IGF2BP3: variants seen among roughly 807,000 people sequenced by gnomAD.
IGF2BP3 encodes insulin like growth factor 2 mRNA binding protein 3, also known as insulin-like growth factor 2 mRNA-binding protein 3.
IGF2BP3 carries 9 observed loss-of-function variants against 73.8 expected under a neutral mutation model. That is an observed-to-expected ratio of 0.12 (90% CI 0.07 to 0.21). The LOEUF (loss-of-function observed/expected upper bound fraction) is 0.21, where lower values mean the gene tolerates loss of function less well. Ranked by LOEUF, IGF2BP3 falls within the 10% of genes least tolerant of loss-of-function variation. IGF2BP3 has a pLI of 1.00. For missense variants in IGF2BP3, 542 were observed against 714.0 expected (o/e 0.76, Z 2.75); for synonymous variants, 258 against 256.7 (o/e 1.01, Z -0.05).
At chr7:23,342,619 A>T (rs1440249875) in intron 9 of IGF2BP3, among the ~76,000 whole-genome samples, 1 of 152,228 alleles carries the variant, frequency 6.6e-6, no homozygotes, top group Non-Finnish European at 1.5e-5. Context: ...GGTAAAACTT[A>T]GCAACCATGG....
intron 3 of IGF2BP3, chr7:23,415,491 C>CGT: frequency 1.2e-5 from 3 of 242,892 alleles, no homozygotes; most frequent in Non-Finnish European, 2.5e-5. Context: ...CCGCAGGTCC[C>CGT]CCTCCGTCAG....
chr7:23,406,580 G>C lies in IGF2BP3; in HGVS notation c.285+12196C>G, dbSNP rs369619396. 1.6e-4 allele frequency among the ~76,000 whole-genome samples: 24 copies of C among 152,226 alleles called. 1 individual carries two copies. The highest frequency in any genetic ancestry group is 9.8e-4 in the Admixed American group (15 of 15,286). On this transcript the variant is annotated intron_variant, in intron 3 of 14. Coordinates refer to ENST00000258729, the MANE Select transcript of IGF2BP3 (RefSeq NM_006547.3). ...TGCAGTGAGTGTTACAGCTCTTAAA[G>C]GTAGTGTGGACCCAAAGAGTGAGCA...
intron 10 of IGF2BP3, among the ~76,000 whole-genome samples, chr7:23,330,816 G>A (rs764509530): frequency 1.8e-4 from 28 of 152,130 alleles, no homozygotes; most frequent in Admixed American, 3.9e-4. Context: ...TTCTGAGACG[G>A]AGTCTTGCTC....
chr7:23,335,073 TAAAAAAAAAAAAA>T (rs5882898), intron 10 of IGF2BP3, among the ~76,000 whole-genome samples: 1 of 69,196 alleles, frequency 1.4e-5, no homozygotes, highest in South Asian at 5.5e-4. Context: ...TCTTTAACAT[TAAAAAAAAAAAAA>T]AAAAAAAAAA....
chr7:23,452,862 C>T (rs2128549094), intron 2 of IGF2BP3, among the ~76,000 whole-genome samples: 1 of 151,316 alleles, frequency 6.6e-6, no homozygotes, highest in Admixed American at 6.6e-5. Flanking sequence ...ACCTATAATC[C>T]CAGCACTTTG....
At chr7:23,468,566 C>T in intron 1 of IGF2BP3, 24 bp from the exon 2 acceptor site, 1 of 1,613,424 alleles carries the variant, frequency 6.2e-7, no homozygotes. Context: ...AGAAGTGAGA[C>T]GGTCGGCCGA....
At chr7:23,346,254 A>G (rs143971974) in intron 7 of IGF2BP3, 192 bp from the exon 8 acceptor site, 8 of 540,492 alleles carry the variant, frequency 1.5e-5, no homozygotes, top group African/African-American at 1.3e-4. Context: ...AAAAATACAG[A>G]AGTTAACTTC....
intron 2 of IGF2BP3, among the ~76,000 whole-genome samples, chr7:23,434,104 A>AG (rs1314866256): frequency 2.0e-5 from 3 of 151,794 alleles, no homozygotes; most frequent in Non-Finnish European, 2.9e-5. Flanking sequence ...AAAAAAAAAA[A>AG]AAAAGAAAAA....
chr7:23,436,008 C>T (rs1439296089), intron 2 of IGF2BP3, among the ~76,000 whole-genome samples: 1 of 152,192 alleles, frequency 6.6e-6, no homozygotes, highest in Non-Finnish European at 1.5e-5. Context: ...CCACCTGCCT[C>T]GGCCTCCCAA....
At chr7:23,381,602 T>C (rs1785911735) in intron 3 of IGF2BP3, among the ~76,000 whole-genome samples, 1 of 152,136 alleles carries the variant, frequency 6.6e-6, no homozygotes. Flanking sequence ...GGAGTCTCAC[T>C]GTGTCACCCA....
chr7:23,443,393 G>A (rs1787982785), intron 2 of IGF2BP3, among the ~76,000 whole-genome samples: 1 of 151,994 alleles, frequency 6.6e-6, no homozygotes, highest in Non-Finnish European at 1.5e-5. Flanking sequence ...CCAAAGTGCT[G>A]GGATTACAGG....
intron 3 of IGF2BP3, among the ~76,000 whole-genome samples, chr7:23,365,251 T>C (rs1583940466): frequency 6.6e-6 from 1 of 152,096 alleles, no homozygotes; most frequent in African/African-American, 2.4e-5. Flanking sequence ...AGAGGAGGGG[T>C]TCAGGGAGTA....
chr7:23,317,311 G>C (rs1784018525), intron 12 of IGF2BP3, among the ~76,000 whole-genome samples: 1 of 152,188 alleles, frequency 6.6e-6, no homozygotes, highest in African/African-American at 2.4e-5. Flanking sequence ...AGGGACAGGA[G>C]GGAAAACATC....
At chr7:23,373,675 T>C (rs1003305254) in intron 3 of IGF2BP3, among the ~76,000 whole-genome samples, 3 of 152,198 alleles carry the variant, frequency 2.0e-5, no homozygotes, top group African/African-American at 7.2e-5. Flanking sequence ...ACCTACCATA[T>C]GATCCAGCAA....
intron 10 of IGF2BP3, among the ~76,000 whole-genome samples, chr7:23,333,620 A>G (rs1343272918): frequency 6.6e-6 from 1 of 152,240 alleles, no homozygotes; most frequent in East Asian, 1.9e-4. Context: ...CCAAAATGTA[A>G]CAGAAAAAAA....
intron 3 of IGF2BP3, among the ~76,000 whole-genome samples, chr7:23,384,788 G>C (rs1269793266): frequency 6.6e-6 from 1 of 152,180 alleles, no homozygotes; most frequent in African/African-American, 2.4e-5. Context: ...CTACTCAGGA[G>C]GGTGAGGTGG....
intron 3 of IGF2BP3, among the ~76,000 whole-genome samples, chr7:23,379,114 A>G (rs1375873230): frequency 2.0e-5 from 3 of 152,200 alleles, no homozygotes; most frequent in Non-Finnish European, 2.9e-5. Context: ...GTGTTTCATA[A>G]TAAGTTCAGC....
chr7:23,465,450 T>C (rs1200088504), intron 2 of IGF2BP3, among the ~76,000 whole-genome samples: 4 of 152,112 alleles, frequency 2.6e-5, no homozygotes, highest in Admixed American at 6.6e-5. Flanking sequence ...CCTTCCACAT[T>C]CCCTTGAGAC....
chr7:23,430,485 C>T (rs193150718), intron 2 of IGF2BP3, among the ~76,000 whole-genome samples: 67 of 152,370 alleles, frequency 4.4e-4, no homozygotes, highest in African/African-American at 1.5e-3. Flanking sequence ...TTCCAACCCG[C>T]CACTTGGTGG....
Sources: gnomAD v4.1 joint callset for allele counts (sites outside exome capture counted in the v4.1 genomes callset) on GRCh38, gnomAD v4.1.1 for gene constraint, MANE v1.5 for transcripts, NCBI Gene and HGNC (gene_info 2026-07-23, HGNC 2026-07-21) for gene names.